Variants in KIF7 observed in about 807,000 individuals in gnomAD.
KIF7 encodes the protein kinesin-like protein KIF7.
A neutral mutation model predicts 135.7 loss-of-function variants in KIF7; 104 were observed. The observed-to-expected ratio is 0.77, with a 90% CI of 0.65 to 0.90. KIF7 has a LOEUF of 0.90. KIF7 is among the 40% of genes least tolerant of loss of function. KIF7 has a pLI of 0.00. For missense variants in KIF7, 2,005 were observed against 1,839.1 expected (o/e 1.09, Z -1.65); for synonymous variants, 883 against 809.4 (o/e 1.09, Z -1.54).
chr15:89,632,742 C>T lies in KIF7; in HGVS notation c.2895+78G>A, dbSNP rs1156945005. ...GGCAGAAACTTACTTGGCAGGAGCT[C>T]ACCTGGCAAGATCTGTCCTGGCTGG... On this transcript the variant is annotated intron_variant, in intron 14 of 18. Transcript: ENST00000394412. The T allele has an allele frequency of 4.7e-6, 7 of 1,488,234 alleles. No individual in the cohort carries two copies. In the East Asian group the frequency reaches 1.6e-4, roughly 34 times the overall value. 92.2% of individuals were successfully genotyped at this position (1,488,234 alleles called of 1,614,324 possible).
chr15:89,629,565 C>T lies in KIF7; in HGVS notation c.3327G>A (p.Thr1109=), dbSNP rs575365743. The change falls in exon 17 of 19, where the codon ACG becomes ACA. Residue 1109 remains threonine (T), a synonymous_variant. Coordinates refer to ENST00000394412, the MANE Select transcript of KIF7 (RefSeq NM_198525.3). ...LLCKYFDKVV[T]LREEQHQQQI... ...GCTGCTGGTGCTGCTCCTCTCGGAG[C>T]GTCACCACCTGTCCCAAGACCCAGC... 3.2e-5 allele frequency: 52 copies of T among 1,606,082 alleles called. No homozygotes were observed. The African/African-American group carries it at 4.8e-4, about 15-fold the overall frequency.
intron 1 of KIF7, among the ~76,000 whole-genome samples, chr15:89,654,362 C>T (rs1336346849): frequency 1.3e-5 from 2 of 151,988 alleles, no homozygotes; most frequent in Non-Finnish European, 2.9e-5. Flanking sequence ...TAAATCAGGC[C>T]CTGCCTCCCT....
At position 89,648,255 on chromosome 15, in the gene KIF7, C is replaced by T. The variant is rs944714130; in HGVS notation, c.1443G>A (p.Lys481=). The T allele has an allele frequency of 6.6e-7, 1 of 1,515,254 alleles. No individual in the cohort carries two copies. Among genetic ancestry groups the T allele is most frequent in the Non-Finnish European group, 8.8e-7 (1 of 1,134,204 alleles). 93.9% of individuals were successfully genotyped at this position (1,515,254 alleles called of 1,614,324 possible). A position where few individuals can be genotyped will look rare whatever the true frequency, so the allele number is the denominator to read the frequency against. ...CAACCACAACCTGTCCCTCGGCCAC[C>T]TTTCGCCCGCCGGCCCCCTGCGCCG... is the stretch of plus-strand genomic sequence containing the variant. ...DQAAQGAGGR[K]EDEGAQQLLT... Residue 481 remains lysine (K), a splice_region_variant and synonymous_variant, in exon 5 of 19, where the codon AAG becomes AAA. Transcript: ENST00000394412.
chr15:89,626,649 T>G (rs966448408), downstream of KIF7, among the ~76,000 whole-genome samples: 6 of 152,130 alleles, frequency 3.9e-5, no homozygotes, highest in South Asian at 6.2e-4. Context: ...ATATAAATCA[T>G]GCAAAACAGC....
Position 89,646,853 on chromosome 15 carries a change from C to A in KIF7, c.1765G>T (p.Val589Phe). ...ACCTCTCCCCTCTGCTCAGAGCCAA[C>A]TTCATCTCCAGGGAGGCAGGCAGGC... Reference protein sequence around the residue: ...VPPACLPGDEVGSEQRGEQVT... With the variant: ...VPPACLPGDEFGSEQRGEQVT... The change falls in exon 7 of 19, where the codon GTT (valine) becomes TTT (phenylalanine). Residue 589 changes from valine (V) to phenylalanine (F), a missense_variant. Coordinates refer to ENST00000394412, the MANE Select transcript of KIF7 (RefSeq NM_198525.3). 1 of 1,614,110 alleles carries A rather than the reference C, an allele frequency of 6.2e-7. No homozygotes were observed. Among genetic ancestry groups the A allele is most frequent in the Non-Finnish European group, 8.5e-7 (1 of 1,180,026 alleles).
chr15:89,654,802 A>C (rs1596081993), intron 1 of KIF7, among the ~76,000 whole-genome samples: 1 of 151,976 alleles, frequency 6.6e-6, no homozygotes, highest in Non-Finnish European at 1.5e-5. Context: ...TTCATTCTTT[A>C]CCCTTCAACC....
chr15:89,618,165 G>T lies in KIF7; in HGVS notation c.212C>A (p.Pro71Gln). The T allele has an allele frequency of 6.2e-7, 1 of 1,614,144 alleles. No homozygotes were observed. The highest frequency in any genetic ancestry group is 1.7e-5 in the Admixed American group (1 of 60,032). The stretch of plus-strand genomic sequence containing the variant: ...TGGTTCCTCGAGGTCCTCTGATCCT[G>T]GTCCTGATATTGGTGTTGTTGAAGA... Residue 71 changes from proline to glutamine, a missense_variant and NMD_transcript_variant, in exon 2 of 3, where the codon CCA becomes CAA. Coordinates refer to the KIF7 transcript ENST00000558928.
intron 15 of KIF7, 106 bp from the exon 16 acceptor site, chr15:89,630,599 T>C (rs1963653105): frequency 2.1e-6 from 2 of 945,312 alleles, no homozygotes; most frequent in East Asian, 5.2e-5. Context: ...GCCTTAAGGG[T>C]CCCCTCGTCC....
In KIF7 at chr15:89,648,375, G is replaced by C. The variant is rs1387727456; in HGVS notation, c.1323C>G (p.Arg441=). The change falls in exon 5 of 19, where the codon CGC becomes CGG. Residue 441 remains arginine, a synonymous_variant. Coordinates refer to ENST00000394412, the MANE Select transcript of KIF7 (RefSeq NM_198525.3). ...GLPGAAARKV[R]DWLCAVEGER... ...CGCCCTCGACGGCGCACAGCCAGTC[G>C]CGCACCTTGCGGGCGGCGGCGCCGG... 8 of 1,219,186 alleles carry C rather than the reference G, an allele frequency of 6.6e-6. No individual in the cohort carries two copies. The highest frequency in any genetic ancestry group is 1.6e-5 in the African/African-American group (1 of 62,022). 75.5% of individuals were successfully genotyped at this position (1,219,186 alleles called of 1,614,324 possible).
intron 10 of KIF7, among the ~76,000 whole-genome samples, chr15:89,643,624 C>T (rs1283255179): frequency 2.0e-5 from 3 of 152,196 alleles, no homozygotes; most frequent in South Asian, 4.1e-4. Flanking sequence ...CGGTGGCTCA[C>T]GCCTCTAATC....
chr15:89,640,123 C>T (rs924098511), intron 11 of KIF7, among the ~76,000 whole-genome samples: 2 of 150,792 alleles, frequency 1.3e-5, no homozygotes, highest in African/African-American at 4.9e-5. Context: ...AGGGGAACAT[C>T]ACACTCTGGG....
upstream of KIF7, among the ~76,000 whole-genome samples, chr15:89,659,395 T>C (rs1342288948): frequency 6.9e-6 from 1 of 143,904 alleles, no homozygotes; most frequent in Non-Finnish European, 1.5e-5. Flanking sequence ...AGCAAGACCC[T>C]GTCTCAAAAA....
upstream of KIF7, among the ~76,000 whole-genome samples, chr15:89,658,866 AAATAAT>A (rs748666194): frequency 1.3e-5 from 2 of 151,846 alleles, no homozygotes; most frequent in African/African-American, 4.8e-5. Flanking sequence ...CCTGTCTCAA[AAATAAT>A]AATAATAATA....
At chr15:89,647,566 C>T in intron 6 of KIF7, 30 bp downstream of exon 6, 1 of 1,582,656 alleles carries the variant, frequency 6.3e-7, no homozygotes, top group Non-Finnish European at 8.7e-7. Context: ...TCTGGGAAGC[C>T]TTCCCCGCAC....
Position 89,647,676 on chromosome 15 carries a change from T to G in KIF7, c.1480A>C (p.Asn494His). The part of the protein sequence containing the change: ...EGAQQLLTLQ[N>H]QVARLEEENR... Reference sequence around the variant, plus strand: ...TCCTCCTCCAGCCGCGCCACCTGGTTCTGCAGGGTCAGCAGCTGCTGCGCC... The same window carrying G: ...TCCTCCTCCAGCCGCGCCACCTGGTGCTGCAGGGTCAGCAGCTGCTGCGCC... Residue 494 changes from asparagine (N) to histidine (H), a missense_variant, in exon 6 of 19, where the codon AAC becomes CAC. By Grantham distance (68) the Asn-to-His change is moderately conservative. Transcript: ENST00000394412. The G allele has an allele frequency of 6.2e-7, 1 of 1,605,898 alleles. No homozygotes were observed.
In KIF7 at chr15:89,630,364, C is replaced by T. The variant is rs1416370668; in HGVS notation, c.3241G>A (p.Glu1081Lys). 22 of 1,614,058 alleles carry T rather than the reference C, an allele frequency of 1.4e-5. No individual in the cohort carries two copies. Among genetic ancestry groups the T allele is most frequent in the Non-Finnish European group, 1.8e-5 (21 of 1,180,032 alleles). ...RASASLLSQC[E>K]MNLMAKLSYL... Reference sequence around the variant, plus strand: ...CTGAGCTTGGCCATGAGGTTCATCTCGCACTGGGACAGCAACGAGGCTGAG... The same window carrying T: ...CTGAGCTTGGCCATGAGGTTCATCTTGCACTGGGACAGCAACGAGGCTGAG... Residue 1081 changes from glutamate to lysine, a missense_variant, in exon 16 of 19, where the codon GAG becomes AAG. Coordinates refer to ENST00000394412, the MANE Select transcript of KIF7 (RefSeq NM_198525.3).
chr15:89,625,942 C>T (rs184236245), downstream of KIF7: 4 of 1,574,000 alleles, frequency 2.5e-6, no homozygotes, highest in Non-Finnish European at 3.4e-6. Context: ...TTAGGCTCCA[C>T]CCCACCTCCC....
At chr15:89,620,657 T>A (rs1418338632) in intron 1 of KIF7, among the ~76,000 whole-genome samples, 1 of 150,572 alleles carries the variant, frequency 6.6e-6, no homozygotes, top group Admixed American at 6.6e-5. Context: ...TTTTCCCGAG[T>A]TGCTCTCAAA....
chr15:89,618,323 C>A, intron 1 of KIF7: 3 of 937,362 alleles, frequency 3.2e-6, no homozygotes, highest in South Asian at 1.3e-5. Flanking sequence ...ATTGTGATGG[C>A]TCTGAGTCCA....
Sources: allele counts gnomAD v4.1 joint callset (sites outside exome capture counted in the v4.1 genomes callset), GRCh38; gene constraint gnomAD v4.1.1; transcripts MANE v1.5; gene names NCBI Gene and HGNC (gene_info 2026-07-23, HGNC 2026-07-21).